The following OR7E24 variants were observed in gnomAD, a reference collection of about 807,000 sequenced individuals.
OR7E24 encodes olfactory receptor family 7 subfamily E member 24, also known as olfactory receptor 7E24.
For missense variants in OR7E24, 385 were observed against 410.3 expected, an observed-to-expected ratio of 0.94 and a Z score of 0.53; for synonymous variants, 130 against 157.5, an observed-to-expected ratio of 0.83 and a Z score of 1.31.
At chr19:9,241,027 G>A in the OR7E24 span, among the ~76,000 whole-genome samples, 1,049 of 152,188 alleles carry the variant, frequency 6.9e-3, 12 homozygotes, top group African/African-American at 0.024. Context: ...ATGTTAGTCA[G>A]GCCGGTCTTG....
At chr19:9,246,060 CTTTTTTTTTT>C (rs58590446), upstream of OR7E24, among the ~76,000 whole-genome samples, 2 of 38,898 alleles carry the variant, frequency 5.1e-5, no homozygotes, top group African/African-American at 2.3e-4. Flanking sequence ...TATCAATGTG[CTTTTTTTTTT>C]TTTTTTTTTT....
chr19:9,231,155 A>T, the OR7E24 span, among the ~76,000 whole-genome samples: 7 of 151,938 alleles, frequency 4.6e-5, no homozygotes, highest in African/African-American at 1.7e-4. Context: ...CCTGACCTCA[A>T]GTGATCTGCC....
At chr19:9,216,634 C>T in the OR7E24 span, among the ~76,000 whole-genome samples, 1 of 152,008 alleles carries the variant, frequency 6.6e-6, no homozygotes, top group Non-Finnish European at 1.5e-5. Flanking sequence ...CTCTGTTGAC[C>T]AGGCTGGAGT....
the OR7E24 span, among the ~76,000 whole-genome samples, chr19:9,231,995 C>T: frequency 1.9e-4 from 29 of 152,232 alleles, no homozygotes; most frequent in African/African-American, 7.0e-4. Context: ...AAAGAAATTA[C>T]TTAGGCAGCT....
At chr19:9,235,325 T>C in the OR7E24 span, 1 of 1,293,060 alleles carries the variant, frequency 7.7e-7, no homozygotes, top group Non-Finnish European at 1.1e-6. Flanking sequence ...CCCATGTAAT[T>C]CTTCCTCTCC....
upstream of OR7E24, among the ~76,000 whole-genome samples, chr19:9,248,108 A>G (rs2066135540): frequency 6.6e-6 from 1 of 152,124 alleles, no homozygotes; most frequent in African/African-American, 2.4e-5. Flanking sequence ...TGAACTTCCC[A>G]TAGACATCTC....
the OR7E24 span, chr19:9,214,628 G>A: frequency 6.2e-7 from 1 of 1,614,160 alleles, no homozygotes; most frequent in Non-Finnish European, 8.5e-7. Context: ...TGAAACAGAT[G>A]TCAACAAAGG....
At chr19:9,220,851 C>T in the OR7E24 span, among the ~76,000 whole-genome samples, 1 of 152,180 alleles carries the variant, frequency 6.6e-6, no homozygotes, top group Non-Finnish European at 1.5e-5. Flanking sequence ...GTTTCCATTT[C>T]TTCATATCCT....
In OR7E24 at chr19:9,252,174, C is replaced by A; in HGVS notation, c.*111C>A. On this transcript the variant is annotated 3_prime_UTR_variant, in exon 1 of 1. Transcript: ENST00000456448. ...CTCTGGGTTTCGTATGTGAATATTGCTTGCTTTGTTTTGTCTTTAATTGCA... is the reference window on the plus strand; with the variant it reads ...CTCTGGGTTTCGTATGTGAATATTGATTGCTTTGTTTTGTCTTTAATTGCA... 1.2e-6 allele frequency: 1 copy of A among 866,676 alleles called. No individual in the cohort carries two copies. 53.7% of individuals were successfully genotyped at this position (866,676 alleles called of 1,614,324 possible). A position where few individuals can be genotyped will look rare whatever the true frequency, so the allele number is the denominator to read the frequency against.
chr19:9,224,392 T>C, the OR7E24 span, among the ~76,000 whole-genome samples: 1 of 152,076 alleles, frequency 6.6e-6, no homozygotes, highest in Non-Finnish European at 1.5e-5. Context: ...CAAAGACATA[T>C]AAATATTTCC....
chr19:9,214,300 C>A, the OR7E24 span: 3 of 1,614,028 alleles, frequency 1.9e-6, no homozygotes, highest in African/African-American at 4.0e-5. Context: ...TGAGCCGGTT[C>A]ACAGAAGAAA....
chr19:9,230,208 C>T, the OR7E24 span, among the ~76,000 whole-genome samples: 15 of 152,020 alleles, frequency 9.9e-5, no homozygotes, highest in Admixed American at 3.3e-4. Flanking sequence ...CTACGCCTGG[C>T]TAATTTTTGT....
At chr19:9,221,740 T>C in the OR7E24 span, among the ~76,000 whole-genome samples, 21 of 151,848 alleles carry the variant, frequency 1.4e-4, no homozygotes, top group African/African-American at 5.1e-4. Flanking sequence ...CCATATCACA[T>C]GTCTAGTTTG....
the OR7E24 span, chr19:9,214,237 C>T: frequency 6.2e-7 from 1 of 1,614,018 alleles, no homozygotes. Flanking sequence ...GCCGTGGCCA[C>T]ATACAAGACA....
At chr19:9,232,736 A>G in the OR7E24 span, among the ~76,000 whole-genome samples, 1 of 151,986 alleles carries the variant, frequency 6.6e-6, no homozygotes, top group Admixed American at 6.6e-5. Flanking sequence ...CTCATCTATG[A>G]AACCTCCGCT....
chr19:9,221,643 G>A, the OR7E24 span, among the ~76,000 whole-genome samples: 1 of 151,890 alleles, frequency 6.6e-6, no homozygotes, highest in Non-Finnish European at 1.5e-5. Context: ...GAGCCACCGC[G>A]CCAGGCTGTC....
At chr19:9,227,788 C>T in the OR7E24 span, among the ~76,000 whole-genome samples, 3 of 126,612 alleles carry the variant, frequency 2.4e-5, no homozygotes, top group African/African-American at 9.4e-5. Flanking sequence ...GAGTCTCGCT[C>T]TGTCGCCCAG....
At chr19:9,249,145 A>G (rs113493192), upstream of OR7E24, among the ~76,000 whole-genome samples, 159 of 152,300 alleles carry the variant, frequency 1.0e-3, 1 homozygote, top group African/African-American at 3.7e-3. Flanking sequence ...TGAAATATCC[A>G]GGAACCTAGC....
the OR7E24 span, chr19:9,234,998 C>T: frequency 6.0e-6 from 3 of 497,944 alleles, no homozygotes; most frequent in Non-Finnish European, 1.1e-5. Flanking sequence ...TGAGAAACTC[C>T]GCACGTTTCA....
Sources: allele counts gnomAD v4.1 joint callset (sites outside exome capture counted in the v4.1 genomes callset), GRCh38; gene constraint gnomAD v4.1.1; transcripts MANE v1.5; gene names NCBI Gene and HGNC (gene_info 2026-07-23, HGNC 2026-07-21).